FSTL4: variants seen among roughly 807,000 people sequenced by gnomAD.
FSTL4 encodes the protein follistatin-related protein 4.
In FSTL4, 28 loss-of-function variants were observed where a neutral mutation model predicts 78.2. The observed-to-expected ratio is 0.36, with a 90% CI of 0.27 to 0.49. FSTL4 has a LOEUF of 0.49. Ranked by LOEUF, FSTL4 falls within the 20% of genes least tolerant of loss-of-function variation. The pLI, the probability that FSTL4 is intolerant of heterozygous loss-of-function variation, is 0.98. For synonymous variants in FSTL4, 422 were observed against 440.5 expected, an observed-to-expected ratio of 0.96 and a Z score of 0.53; for missense variants, 922 against 1,084.9, an observed-to-expected ratio of 0.85 and a Z score of 2.11.
the FSTL4 span, among the ~76,000 whole-genome samples, chr5:133,779,175 G>T: frequency 6.6e-6 from 1 of 152,074 alleles, no homozygotes; most frequent in African/African-American, 2.4e-5. Context: ...CATCTCCTTG[G>T]CTCCCCTCCT....
intron 4 of FSTL4, among the ~76,000 whole-genome samples, chr5:133,386,912 T>A (rs1357219273): frequency 6.6e-6 from 1 of 152,156 alleles, no homozygotes; most frequent in Non-Finnish European, 1.5e-5. Flanking sequence ...AAAGACAAGA[T>A]GGGTGTAAAT....
intron 4 of FSTL4, among the ~76,000 whole-genome samples, chr5:133,372,066 C>A (rs1241610238): frequency 6.6e-6 from 1 of 152,198 alleles, no homozygotes; most frequent in Admixed American, 6.5e-5. Flanking sequence ...GTCACCCACC[C>A]ACAGGCCGAA....
chr5:133,225,703 C>T lies in FSTL4; in HGVS notation c.1132G>A (p.Gly378Ser), dbSNP rs773461847. 2.4e-5 allele frequency: 38 copies of T among 1,611,716 alleles called. No homozygotes were observed. The highest frequency in any genetic ancestry group is 1.8e-4 in the South Asian group (16 of 90,646). The change falls in exon 9 of 16, where the codon GGC becomes AGC. Residue 378 changes from glycine to serine, a missense_variant. Transcript: ENST00000265342. This position sits in a 1 kb window ranked among gnomAD's most constrained non-coding sequence, Gnocchi z 4.6. ...PMPRITWLKN[G>S]VDVSTQMSKQ... Reference sequence around the variant, plus strand: ...GACATCTGAGTTGAGACATCCACGCCGTTTTTCAGCCAAGTGATTCTGGGC... The same window carrying T: ...GACATCTGAGTTGAGACATCCACGCTGTTTTTCAGCCAAGTGATTCTGGGC...
At chr5:133,821,393 C>A in the FSTL4 span, among the ~76,000 whole-genome samples, 1 of 152,210 alleles carries the variant, frequency 6.6e-6, no homozygotes, top group South Asian at 2.1e-4. Flanking sequence ...TGAAAGCAAA[C>A]AGGGGTAGGA....
At chr5:133,376,888 CAAAAAA>C (rs56667792) in intron 4 of FSTL4, among the ~76,000 whole-genome samples, 3 of 127,758 alleles carry the variant, frequency 2.3e-5, no homozygotes, top group Non-Finnish European at 1.6e-5. Context: ...GAGTCTGTCT[CAAAAAA>C]AAAAAAAAAA....
intron 8 of FSTL4, 136 bp downstream of exon 8, chr5:133,233,281 A>C: frequency 1.0e-6 from 1 of 987,012 alleles, no homozygotes; most frequent in Non-Finnish European, 1.5e-6. Context: ...GTTCCCCTTT[A>C]CTTATAAGAG....
At chr5:133,543,866 C>T (rs2112921652) in intron 3 of FSTL4, among the ~76,000 whole-genome samples, 1 of 151,908 alleles carries the variant, frequency 6.6e-6, no homozygotes, top group Middle Eastern at 3.5e-3. Context: ...TTGAATTCTT[C>T]CTAGATTTTT....
the FSTL4 span, among the ~76,000 whole-genome samples, chr5:133,650,383 G>C: frequency 6.6e-6 from 1 of 152,052 alleles, no homozygotes; most frequent in African/African-American, 2.4e-5. Context: ...CCAAACCCAA[G>C]GTCATCTAGA....
intron 2 of FSTL4, among the ~76,000 whole-genome samples, chr5:133,603,476 A>G (rs1263296400): frequency 6.6e-6 from 1 of 152,228 alleles, no homozygotes; most frequent in African/African-American, 2.4e-5. Context: ...TTTCTTTTCA[A>G]ATATATTTTA....
In FSTL4 at chr5:133,554,504, A is replaced by G. The variant is rs546251954; in HGVS notation, c.160+12682T>C. ...TGCTCCCTCTCCCAGGACTCTCCAA[A>G]GTGAAATTTGAAATGTGGACAGACG... On this transcript the variant is annotated intron_variant, in intron 3 of 15. Coordinates refer to ENST00000265342, the MANE Select transcript of FSTL4 (RefSeq NM_015082.2). 7.9e-5 allele frequency among the ~76,000 whole-genome samples: 12 copies of G among 152,338 alleles called. No homozygotes were observed. In the South Asian group the frequency reaches 2.1e-3, roughly 26 times the overall value.
intron 2 of FSTL4, among the ~76,000 whole-genome samples, chr5:133,568,956 T>G (rs1213162879): frequency 6.6e-6 from 1 of 152,254 alleles, no homozygotes; most frequent in Non-Finnish European, 1.5e-5. Context: ...TACTTTTGCT[T>G]CTTTCAAGAG....
At chr5:133,470,151 T>TCAAC (rs1339440425) in intron 3 of FSTL4, among the ~76,000 whole-genome samples, 1 of 152,088 alleles carries the variant, frequency 6.6e-6, no homozygotes, top group Non-Finnish European at 1.5e-5. Flanking sequence ...GAGCTTCCAG[T>TCAAC]CAACCCTTGT....
chr5:133,311,869 T>G (rs566642056), intron 6 of FSTL4, among the ~76,000 whole-genome samples: 1 of 152,158 alleles, frequency 6.6e-6, no homozygotes, highest in African/African-American at 2.4e-5. Flanking sequence ...CTTCATCTCT[T>G]TTGGGCCAAG....
chr5:133,221,522 A>C (rs1751104554), intron 11 of FSTL4, among the ~76,000 whole-genome samples: 1 of 151,150 alleles, frequency 6.6e-6, no homozygotes, highest in Non-Finnish European at 1.5e-5. Flanking sequence ...GAGAAGGTCT[A>C]AGCAAACCAG....
chr5:133,699,773 C>T, the FSTL4 span, among the ~76,000 whole-genome samples: 5 of 145,402 alleles, frequency 3.4e-5, no homozygotes, highest in African/African-American at 7.7e-5. Context: ...CCCAGCTACT[C>T]GGGAGGCTGA....
intron 3 of FSTL4, among the ~76,000 whole-genome samples, chr5:133,545,410 T>G (rs1204882110): frequency 6.6e-6 from 1 of 152,156 alleles, no homozygotes; most frequent in African/African-American, 2.4e-5. Flanking sequence ...AAAGCAAGGC[T>G]TCTCCCTGAG....
At chr5:133,668,266 G>A in the FSTL4 span, among the ~76,000 whole-genome samples, 2 of 152,266 alleles carry the variant, frequency 1.3e-5, no homozygotes, top group Non-Finnish European at 2.9e-5. Context: ...CACCCATCCT[G>A]CAGGGAAAAC....
chr5:133,494,625 T>C (rs562761969), intron 3 of FSTL4, among the ~76,000 whole-genome samples: 1 of 152,378 alleles, frequency 6.6e-6, no homozygotes, highest in Admixed American at 6.5e-5. Context: ...CTGGGATTCC[T>C]ATCATAGGTT....
chr5:133,275,492 G>A (rs1178502598), intron 6 of FSTL4, among the ~76,000 whole-genome samples: 4 of 151,806 alleles, frequency 2.6e-5, no homozygotes, highest in Admixed American at 1.3e-4. Flanking sequence ...CCCGGAAGGC[G>A]GTGGTTCCAG....
Sources: allele counts gnomAD v4.1 joint callset (sites outside exome capture counted in the v4.1 genomes callset), GRCh38; gene constraint gnomAD v4.1.1; non-coding constraint Gnocchi (gnomAD v3.1); transcripts MANE v1.5; gene names NCBI Gene and HGNC (gene_info 2026-07-23, HGNC 2026-07-21).